Variants in VIRMA observed in about 807,000 individuals in gnomAD.
VIRMA encodes the protein protein virilizer homolog.
Under a neutral mutation model 182.4 loss-of-function variants are expected in VIRMA, and 65 were observed. The observed-to-expected ratio is 0.36, with a 90% CI of 0.29 to 0.44. The LOEUF (loss-of-function observed/expected upper bound fraction) is 0.44, where lower values mean the gene tolerates loss of function less well. Ranked by LOEUF, VIRMA falls within the 20% of genes least tolerant of loss-of-function variation. The pLI, the probability that VIRMA is intolerant of heterozygous loss-of-function variation, is 1.00. For synonymous variants in VIRMA, 709 were observed against 743.1 expected, an observed-to-expected ratio of 0.95 and a Z score of 0.75; for missense variants, 1,752 against 2,158.1, an observed-to-expected ratio of 0.81 and a Z score of 3.73.
rs377011248 is a variant in VIRMA, at chr8:94,509,928, A to G, written c.3639T>C (p.Asp1213=). The change falls in exon 15 of 24, where the codon GAT becomes GAC. Residue 1213 remains aspartate, a synonymous_variant. Transcript: ENST00000297591. ...TTTGGCTAGTATACTGTTTTTCTTT[A>G]TCTTCTGAAGTGCTGAAATAAAATC... ...IVEDLQSTSE[D]KEKQYTSQTT... 1.9e-6 allele frequency: 3 copies of G among 1,608,550 alleles called. No homozygotes were observed. Among genetic ancestry groups the G allele is most frequent in the African/African-American group, 2.7e-5 (2 of 74,524 alleles).
chr8:94,509,575 T>C lies in VIRMA; in HGVS notation c.3879+113A>G, dbSNP rs1479263033. 31 of 1,070,354 alleles carry C rather than the reference T, an allele frequency of 2.9e-5. No homozygotes were observed. The East Asian group carries it at 5.9e-4, about 20-fold the overall frequency. The allele number at this position is 1,070,354 out of a possible 1,614,324, so 66.3% of individuals were successfully genotyped here. On this transcript the variant is annotated intron_variant, in intron 15 of 23. Coordinates refer to ENST00000297591, the MANE Select transcript of VIRMA (RefSeq NM_015496.5). ...GAACAACAGCAGGAATAATAAAACA[T>C]AGATGACAGCTGTTCATTCACAGCC... is the stretch of plus-strand genomic sequence containing the variant.
At chr8:94,508,312 C>T (rs1187510407) in intron 15 of VIRMA, among the ~76,000 whole-genome samples, 1 of 152,120 alleles carries the variant, frequency 6.6e-6, no homozygotes, top group African/African-American at 2.4e-5. Context: ...TCTCAAACTC[C>T]TGATCTCGTG....
At chr8:94,535,496 G>C (rs2381882) in intron 4 of VIRMA, among the ~76,000 whole-genome samples, 4 of 152,078 alleles carry the variant, frequency 2.6e-5, no homozygotes, top group Non-Finnish European at 5.9e-5. Flanking sequence ...TAAAAAGTAA[G>C]GGAATTAGCC....
intron 1 of VIRMA, among the ~76,000 whole-genome samples, chr8:94,549,591 C>T (rs547228344): frequency 6.6e-6 from 1 of 152,282 alleles, no homozygotes; most frequent in Non-Finnish European, 1.5e-5. Flanking sequence ...TAATCAGTTG[C>T]CATCCTGTCA....
chr8:94,544,157 T>C (rs1384921734), intron 1 of VIRMA, among the ~76,000 whole-genome samples: 5 of 152,164 alleles, frequency 3.3e-5, no homozygotes, highest in Non-Finnish European at 5.9e-5. Flanking sequence ...TGCCATGCAT[T>C]TACTTCCCTG....
At chr8:94,527,417 T>C (rs548657578) in intron 7 of VIRMA, 54 bp from the exon 8 acceptor site, 1 of 1,071,040 alleles carries the variant, frequency 9.3e-7, no homozygotes, top group African/African-American at 1.6e-5. Context: ...GTCTAATACA[T>C]AAATTCTGAT....
At chr8:94,492,572 G>GC (rs1813641818) in intron 21 of VIRMA, 80 bp downstream of exon 21, 1 of 1,292,244 alleles carries the variant, frequency 7.7e-7, no homozygotes, top group African/African-American at 1.5e-5. Flanking sequence ...GCGCTCGGCC[G>GC]CATGTGTCTA....
At chr8:94,491,960 A>G (rs1298716267) in intron 21 of VIRMA, 51 bp from the exon 22 acceptor site, 1 of 1,407,744 alleles carries the variant, frequency 7.1e-7, no homozygotes. Context: ...GGTTTCTAGC[A>G]AAAATAATCT....
intron 10 of VIRMA, among the ~76,000 whole-genome samples, chr8:94,517,279 T>C (rs935926154): frequency 1.3e-5 from 2 of 152,224 alleles, no homozygotes; most frequent in Admixed American, 6.5e-5. Context: ...CTTGGCTCAG[T>C]GCAACCTCCA....
At chr8:94,550,193 T>G (rs1009517171) in intron 1 of VIRMA, among the ~76,000 whole-genome samples, 1 of 152,190 alleles carries the variant, frequency 6.6e-6, no homozygotes, top group Middle Eastern at 3.2e-3. Context: ...TCAATAAATG[T>G]TAAACAATGC....
At chr8:94,496,241 T>C in intron 18 of VIRMA, 87 bp downstream of exon 18, 1 of 1,152,256 alleles carries the variant, frequency 8.7e-7, no homozygotes, top group African/African-American at 1.5e-5. Context: ...GATTCACTAT[T>C]TTAAAAAAGG....
chr8:94,505,601 G>A (rs1814127618), intron 16 of VIRMA, among the ~76,000 whole-genome samples: 1 of 152,030 alleles, frequency 6.6e-6, no homozygotes, highest in Non-Finnish European at 1.5e-5. Context: ...TCCCACCTCA[G>A]CTTCCCAAGT....
At chr8:94,530,841 G>C (rs1289763655) in intron 6 of VIRMA, 122 bp downstream of exon 6, 11 of 975,424 alleles carry the variant, frequency 1.1e-5, no homozygotes, top group African/African-American at 1.7e-5. Context: ...AAGCCCAGGT[G>C]GTCAAGACTG....
chr8:94,493,746 A>C (rs1813680692), intron 20 of VIRMA, among the ~76,000 whole-genome samples: 1 of 152,240 alleles, frequency 6.6e-6, no homozygotes, highest in African/African-American at 2.4e-5. Context: ...ACAAATGTGA[A>C]GCAAATCATT....
chr8:94,526,456 T>C lies in VIRMA; in HGVS notation c.1788A>G (p.Arg596=). The part of the protein sequence containing the change: ...PDHDTDAGLE[R]TNPEYENEVE... ...CCTCATTTTCATATTCTGGGTTTGT[T>C]CTCTCAAGTCCAGCATCTGTGTCGT... Residue 596 remains arginine (R), a synonymous_variant, in exon 8 of 24, where the codon AGA becomes AGG. Coordinates refer to ENST00000297591, the MANE Select transcript of VIRMA (RefSeq NM_015496.5). 6.2e-7 allele frequency: 1 copy of C among 1,613,992 alleles called. No homozygotes were observed. The highest frequency in any genetic ancestry group is 8.5e-7 in the Non-Finnish European group (1 of 1,179,980).
At position 94,526,820 on chromosome 8, in the gene VIRMA, G is replaced by C. The variant is rs1010207767; in HGVS notation, c.1424C>G (p.Thr475Arg). Residue 475 changes from threonine (T) to arginine (R), a missense_variant, in exon 8 of 24, where the codon ACA (threonine) becomes AGA (arginine). Coordinates refer to ENST00000297591, the MANE Select transcript of VIRMA (RefSeq NM_015496.5). ...GATCACTCCTGCTTGTAGCAGTCCT[G>C]TAACTCCTTGAGCCCCACATTCTGC... ...SLAECGAQGVTGLLQAGVISG... is the reference protein window; with the variant it reads ...SLAECGAQGVRGLLQAGVISG... 4.3e-6 allele frequency: 7 copies of C among 1,614,034 alleles called. No homozygotes were observed. In the African/African-American group the frequency reaches 5.3e-5, roughly 12 times the overall value.
intron 22 of VIRMA, among the ~76,000 whole-genome samples, chr8:94,490,612 G>A (rs747520752): frequency 4.6e-5 from 7 of 151,722 alleles, no homozygotes; most frequent in Non-Finnish European, 1.0e-4. Flanking sequence ...TTGGGAGGCC[G>A]AAGGTGGGTG....
At chr8:94,512,883 G>C (rs1229717419) in intron 11 of VIRMA, among the ~76,000 whole-genome samples, 1 of 152,220 alleles carries the variant, frequency 6.6e-6, no homozygotes, top group Non-Finnish European at 1.5e-5. Context: ...TTTAAATGCA[G>C]ATACCAACAG....
At chr8:94,537,221 T>G in intron 3 of VIRMA, 70 bp from the exon 4 acceptor site, 6 of 958,322 alleles carry the variant, frequency 6.3e-6, no homozygotes, top group South Asian at 1.4e-5. Flanking sequence ...GACGTCTCTC[T>G]AGATTCAAAT....
Sources: gnomAD v4.1 joint callset for allele counts (sites outside exome capture counted in the v4.1 genomes callset) on GRCh38, gnomAD v4.1.1 for gene constraint, MANE v1.5 for transcripts, NCBI Gene and HGNC (gene_info 2026-07-23, HGNC 2026-07-21) for gene names.